MAML1: variants seen among roughly 807,000 people sequenced by gnomAD.
MAML1 encodes mastermind-like protein 1.
Under a neutral mutation model 77.1 loss-of-function variants are expected in MAML1, and 14 were observed. That is an observed-to-expected ratio of 0.18 (90% CI 0.12 to 0.28). The LOEUF (loss-of-function observed/expected upper bound fraction) is 0.28, where lower values mean the gene tolerates loss of function less well. Among genes scored for constraint, MAML1 ranks in the 10% least tolerant of loss-of-function variants. The pLI is 1.00. For missense variants in MAML1, 1,217 were observed against 1,327.8 expected, an observed-to-expected ratio of 0.92 and a Z score of 1.30; for synonymous variants, 516 against 551.9, an observed-to-expected ratio of 0.93 and a Z score of 0.91.
At chr5:179,768,423 C>G (rs1044053710) in intron 2 of MAML1, among the ~76,000 whole-genome samples, 8 of 152,222 alleles carry the variant, frequency 5.3e-5, no homozygotes, top group Admixed American at 3.9e-4. Context: ...TGCCATTGCA[C>G]TCCAGCCTGG....
chr5:179,762,079 A>G (rs546096782), intron 1 of MAML1, among the ~76,000 whole-genome samples: 1 of 152,240 alleles, frequency 6.6e-6, no homozygotes, highest in African/African-American at 2.4e-5. Flanking sequence ...TCATGAAAGA[A>G]CCACGCGTGT....
At position 179,765,455 on chromosome 5, in the gene MAML1, G is replaced by A. The variant is rs1390034520; in HGVS notation, c.445G>A (p.Ala149Thr). 2.5e-6 allele frequency: 4 copies of A among 1,614,146 alleles called. No individual in the cohort carries two copies. In the East Asian group the frequency reaches 6.7e-5, roughly 27 times the overall value. Residue 149 changes from alanine to threonine, a missense_variant, in exon 2 of 5, where the codon GCC becomes ACC. This residue lies in a region of MAML1 where 312 missense variants were observed against 331.4 expected (regional missense o/e 0.94). Transcript: ENST00000292599. ...TCGCCGGGAGGCCCCTCTGGGAGTT[G>A]CCATCTCTTCCAATGGACTGCCTCC... ...KTRREAPLGVAISSNGLPPAS... is the reference protein window; with the variant it reads ...KTRREAPLGVTISSNGLPPAS...
At chr5:179,755,596 T>G (rs141398318) in intron 1 of MAML1, among the ~76,000 whole-genome samples, 1 of 151,976 alleles carries the variant, frequency 6.6e-6, no homozygotes, top group Non-Finnish European at 1.5e-5. Flanking sequence ...AGAGTTGATG[T>G]TTGAGCTAAA....
At chr5:179,734,037 T>A (rs1303365149) in intron 1 of MAML1, among the ~76,000 whole-genome samples, 1 of 152,240 alleles carries the variant, frequency 6.6e-6, no homozygotes, top group Non-Finnish European at 1.5e-5. Context: ...TGTTGACAAT[T>A]CTAGTTTTAA....
At chr5:179,760,918 C>T (rs4700840) in intron 1 of MAML1, among the ~76,000 whole-genome samples, 32,860 of 151,680 alleles carry the variant, frequency 0.22, 4,451 homozygotes, top group Non-Finnish European at 0.3. Context: ...AGTGAAACCC[C>T]GTCTCTACTA....
At chr5:179,737,354 T>C (rs1384167586) in intron 1 of MAML1, among the ~76,000 whole-genome samples, 1 of 152,184 alleles carries the variant, frequency 6.6e-6, no homozygotes, top group Non-Finnish European at 1.5e-5. Context: ...GAACAGAAGA[T>C]AAGTATCATT....
At chr5:179,742,152 C>T (rs535693576) in intron 1 of MAML1, among the ~76,000 whole-genome samples, 18 of 151,004 alleles carry the variant, frequency 1.2e-4, no homozygotes, top group African/African-American at 4.1e-4. Flanking sequence ...GGATTACAGG[C>T]GTGAGCCACC....
chr5:179,775,071 G>A lies in MAML1; in HGVS notation c.*194G>A, dbSNP rs1262474895. ...CTCAGGCCAGCAGTTGAGGTCCATC[G>A]GGCTGGCCCCAGCCCATCTGCTGGC... On this transcript the variant is annotated 3_prime_UTR_variant, in exon 5 of 5. Coordinates refer to ENST00000292599, the MANE Select transcript of MAML1 (RefSeq NM_014757.5). 86 of 1,395,998 alleles carry A rather than the reference G, an allele frequency of 6.2e-5. No homozygotes were observed. Among genetic ancestry groups the A allele is most frequent in the Middle Eastern group, 2.6e-4 (1 of 3,814 alleles). The allele number at this position is 1,395,998 out of a possible 1,614,324, so 86.5% of individuals were successfully genotyped here.
chr5:179,776,561 A>G lies in MAML1; in HGVS notation c.*1684A>G. On this transcript the variant is annotated 3_prime_UTR_variant, in exon 5 of 5. Transcript: ENST00000292599. ...AGCTCTCAAAGAAGGGGTGAATCAT[A>G]AAGCCAGTGAAAATTTCACCCTCTG... 1 of 985,644 alleles carries G rather than the reference A, an allele frequency of 1.0e-6. No individual in the cohort carries two copies. The allele number at this position is 985,644 out of a possible 1,614,324, so 61.1% of individuals were successfully genotyped here.
intron 1 of MAML1, among the ~76,000 whole-genome samples, chr5:179,750,984 C>T (rs952427196): frequency 6.6e-6 from 1 of 151,924 alleles, no homozygotes; most frequent in Admixed American, 6.6e-5. Flanking sequence ...TTCAAGGCTA[C>T]TTTTTTTTAA....
At chr5:179,768,731 G>A (rs568701165) in intron 2 of MAML1, 119 bp from the exon 3 acceptor site, 261 of 1,293,736 alleles carry the variant, frequency 2.0e-4, no homozygotes, top group South Asian at 2.0e-3. Context: ...GTTGTTATTC[G>A]AGGTCAGAAG....
intron 4 of MAML1, among the ~76,000 whole-genome samples, chr5:179,772,294 T>G (rs890470347): frequency 6.6e-6 from 1 of 152,166 alleles, no homozygotes; most frequent in African/African-American, 2.4e-5. Context: ...CATTTTTGTA[T>G]TTTTAGTAGA....
rs140972530 is a variant in MAML1, at chr5:179,774,334, T to C, written c.2508T>C (p.Asn836=). 1 of 1,613,370 alleles carries C rather than the reference T, an allele frequency of 6.2e-7. No homozygotes were observed. Among genetic ancestry groups the C allele is most frequent in the Non-Finnish European group, 8.5e-7 (1 of 1,180,014 alleles). The part of the protein sequence containing the change: ...PRVSPAMGGQ[N]SSWQHQGMPN... ...TGTCACCAGCCATGGGAGGCCAGAA[T>C]TCCTCCTGGCAGCATCAGGGAATGC... Residue 836 remains asparagine, a synonymous_variant, in exon 5 of 5, where the codon AAT becomes AAC. Coordinates refer to ENST00000292599, the MANE Select transcript of MAML1 (RefSeq NM_014757.5).
chr5:179,761,001 G>C (rs1167834023), intron 1 of MAML1, among the ~76,000 whole-genome samples: 6 of 152,130 alleles, frequency 3.9e-5, no homozygotes, highest in Non-Finnish European at 7.4e-5. Flanking sequence ...GGCTGAGGCA[G>C]GAGAATGGCA....
At chr5:179,773,580 C>T (rs532641960) in intron 4 of MAML1, among the ~76,000 whole-genome samples, 1 of 152,398 alleles carries the variant, frequency 6.6e-6, no homozygotes, top group South Asian at 2.1e-4. Flanking sequence ...TGCGTTGGGT[C>T]CACCTCAGAG....
At chr5:179,768,080 G>A (rs1779855908) in intron 2 of MAML1, among the ~76,000 whole-genome samples, 2 of 152,156 alleles carry the variant, frequency 1.3e-5, no homozygotes, top group South Asian at 2.1e-4. Flanking sequence ...GTACAGTTTC[G>A]GGTCGTTCAG....
At chr5:179,737,174 C>A (rs1779185312) in intron 1 of MAML1, among the ~76,000 whole-genome samples, 1 of 152,050 alleles carries the variant, frequency 6.6e-6, no homozygotes, top group African/African-American at 2.4e-5. Context: ...TCAGATGTGC[C>A]ATGTTAAGGT....
intron 2 of MAML1, 64 bp from the exon 3 acceptor site, chr5:179,768,786 G>A: frequency 6.3e-7 from 1 of 1,581,804 alleles, no homozygotes; most frequent in South Asian, 1.1e-5. Flanking sequence ...TGAATTCACT[G>A]GATGGAGCTT....
intron 1 of MAML1, among the ~76,000 whole-genome samples, chr5:179,764,735 G>C (rs967959393): frequency 2.1e-4 from 32 of 152,180 alleles, no homozygotes; most frequent in African/African-American, 7.7e-4. Flanking sequence ...GCTGAGACGG[G>C]TGAATCACTT....
Sources: allele counts gnomAD v4.1 joint callset (sites outside exome capture counted in the v4.1 genomes callset), GRCh38; gene constraint gnomAD v4.1.1; regional missense constraint gnomAD v4.1.1; transcripts MANE v1.5; gene names NCBI Gene and HGNC (gene_info 2026-07-23, HGNC 2026-07-21).